MUSK: variants seen among roughly 807,000 people sequenced by gnomAD.
The protein encoded by MUSK is muscle associated receptor tyrosine kinase.
A neutral mutation model predicts 88.7 loss-of-function variants in MUSK; 55 were observed. The observed-to-expected ratio is 0.62, with a 90% CI of 0.50 to 0.78. The LOEUF (loss-of-function observed/expected upper bound fraction) is 0.78, where lower values mean the gene tolerates loss of function less well. Among genes scored for constraint, MUSK ranks in the 30% least tolerant of loss-of-function variants. The pLI, the probability that MUSK is intolerant of heterozygous loss-of-function variation, is 0.00. For missense variants in MUSK, 1,015 were observed against 1,074.3 expected (o/e 0.94, Z 0.77); for synonymous variants, 387 against 391.9 (o/e 0.99, Z 0.15).
chr9:110,700,816 C>T (rs2076491905), intron 5 of MUSK, among the ~76,000 whole-genome samples: 1 of 152,044 alleles, frequency 6.6e-6, no homozygotes, highest in African/African-American at 2.4e-5. Flanking sequence ...TTCTGGTTTT[C>T]CCAGGACAGT....
At chr9:110,787,572 G>A (rs542413487) in intron 13 of MUSK, 118 bp from the exon 14 acceptor site, 14 of 954,250 alleles carry the variant, frequency 1.5e-5, no homozygotes, top group South Asian at 1.1e-4. Flanking sequence ...GAAAGGCTGC[G>A]TGAGACTTAA....
At chr9:110,789,377 C>T (rs954246548) in intron 14 of MUSK, among the ~76,000 whole-genome samples, 1 of 152,154 alleles carries the variant, frequency 6.6e-6, no homozygotes, top group Non-Finnish European at 1.5e-5. Flanking sequence ...AAGATAGTAT[C>T]GAAGTATTTG....
At chr9:110,774,095 AT>A (rs2131980886) in intron 9 of MUSK, among the ~76,000 whole-genome samples, 1 of 152,200 alleles carries the variant, frequency 6.6e-6, no homozygotes, top group Admixed American at 6.5e-5. Flanking sequence ...AAGAAACACT[AT>A]TATTTGATTT....
intron 1 of MUSK, among the ~76,000 whole-genome samples, chr9:110,673,206 T>C (rs2075982741): frequency 6.6e-6 from 1 of 152,226 alleles, no homozygotes; most frequent in African/African-American, 2.4e-5. Flanking sequence ...ATGTACATCT[T>C]CTCTTATCCA....
chr9:110,787,314 A>G (rs184665301), intron 13 of MUSK, among the ~76,000 whole-genome samples: 336 of 146,584 alleles, frequency 2.3e-3, no homozygotes, highest in African/African-American at 8.3e-3. Flanking sequence ...GTGAGCCTAG[A>G]TCATGCCACT....
intron 7 of MUSK, among the ~76,000 whole-genome samples, chr9:110,755,622 C>T (rs935728932): frequency 1.3e-5 from 2 of 152,038 alleles, no homozygotes; most frequent in African/African-American, 4.8e-5. Context: ...AAACTCTCCT[C>T]TTACATAATT....
intron 7 of MUSK, among the ~76,000 whole-genome samples, chr9:110,750,131 A>G (rs917551238): frequency 3.3e-5 from 5 of 152,186 alleles, no homozygotes; most frequent in African/African-American, 1.2e-4. Flanking sequence ...CATCCAAGAA[A>G]ATAAACTGAT....
chr9:110,712,869 G>T (rs75152814), intron 5 of MUSK, among the ~76,000 whole-genome samples: 3 of 144,640 alleles, frequency 2.1e-5, no homozygotes, highest in South Asian at 4.2e-4. Flanking sequence ...TTCAAATTCA[G>T]TGAGGAAGAT....
chr9:110,708,090 TC>T (rs1564235720), intron 5 of MUSK, among the ~76,000 whole-genome samples: 59 of 135,856 alleles, frequency 4.3e-4, no homozygotes, highest in African/African-American at 1.6e-3. Flanking sequence ...AATAAATAAT[TC>T]CTATCTATCT....
At chr9:110,700,806 T>C (rs2076491803) in intron 5 of MUSK, among the ~76,000 whole-genome samples, 1 of 152,158 alleles carries the variant, frequency 6.6e-6, no homozygotes, top group Non-Finnish European at 1.5e-5. Context: ...TGACCACATG[T>C]TCTGGTTTTC....
At chr9:110,682,353 T>G (rs1294865371) in intron 1 of MUSK, among the ~76,000 whole-genome samples, 1 of 148,628 alleles carries the variant, frequency 6.7e-6, no homozygotes, top group Non-Finnish European at 1.5e-5. Flanking sequence ...ACACAGAAAT[T>G]TTGTATTCAT....
At chr9:110,669,804 A>G (rs889917524) in intron 1 of MUSK, among the ~76,000 whole-genome samples, 1 of 152,202 alleles carries the variant, frequency 6.6e-6, no homozygotes, top group African/African-American at 2.4e-5. Flanking sequence ...TCTTTTTTTA[A>G]AAAGACATGA....
At chr9:110,669,252 G>A (rs1159588882) in intron 1 of MUSK, among the ~76,000 whole-genome samples, 2 of 152,160 alleles carry the variant, frequency 1.3e-5, no homozygotes, top group Admixed American at 1.3e-4. Flanking sequence ...ACATAAGCAT[G>A]TACACTGCAA....
intron 3 of MUSK, among the ~76,000 whole-genome samples, chr9:110,690,904 G>A (rs558287486): frequency 5.6e-5 from 8 of 143,960 alleles, no homozygotes; most frequent in South Asian, 2.1e-4. Context: ...ACGGAGTCTC[G>A]CTCAGGCTGG....
chr9:110,730,873 G>A lies in MUSK; in HGVS notation c.629-3378G>A, dbSNP rs75061011. 6.0e-3 allele frequency among the ~76,000 whole-genome samples: 909 copies of A among 151,958 alleles called. 6 individuals are homozygous for A. The highest frequency in any genetic ancestry group is 0.021 in the African/African-American group (858 of 41,494). On this transcript the variant is annotated intron_variant, in intron 5 of 14. Transcript: ENST00000374448. ...TGAGGATTAGACTAACATAACTTAT[G>A]TTTCCTCATCCTCTTCCTCCCCACC...
chr9:110,713,616 C>T (rs1042620966), intron 5 of MUSK, among the ~76,000 whole-genome samples: 7 of 152,068 alleles, frequency 4.6e-5, no homozygotes, highest in African/African-American at 1.7e-4. Flanking sequence ...AATGTGGGAA[C>T]CTATGGTTTG....
At chr9:110,749,027 A>T (rs574769074) in intron 7 of MUSK, among the ~76,000 whole-genome samples, 1 of 152,260 alleles carries the variant, frequency 6.6e-6, no homozygotes, top group Non-Finnish European at 1.5e-5. Flanking sequence ...AATTTAACAA[A>T]TAATAATAAT....
intron 3 of MUSK, among the ~76,000 whole-genome samples, chr9:110,688,709 G>A (rs973663641): frequency 3.3e-5 from 5 of 151,738 alleles, no homozygotes; most frequent in African/African-American, 1.2e-4. Context: ...GTGAGAACAT[G>A]CAGTGTTTGG....
At chr9:110,769,792 T>C (rs1176752512) in intron 9 of MUSK, among the ~76,000 whole-genome samples, 2 of 148,162 alleles carry the variant, frequency 1.3e-5, no homozygotes, top group Admixed American at 1.4e-4. Flanking sequence ...TTAGTACTAC[T>C]AACATAATTT....
Sources: gnomAD v4.1 joint callset for allele counts (sites outside exome capture counted in the v4.1 genomes callset) on GRCh38, gnomAD v4.1.1 for gene constraint, MANE v1.5 for transcripts, NCBI Gene and HGNC (gene_info 2026-07-23, HGNC 2026-07-21) for gene names.